The following SCUBE1 variants were observed in gnomAD, a reference collection of about 807,000 sequenced individuals.
The protein encoded by SCUBE1 is signal peptide, CUB and EGF-like domain-containing protein 1.
In SCUBE1, 59 loss-of-function variants were observed where a neutral mutation model predicts 124.4. The observed-to-expected ratio is 0.47, with a 90% confidence interval of 0.38 to 0.59. The LOEUF (loss-of-function observed/expected upper bound fraction) is 0.59. Among genes scored for constraint, SCUBE1 ranks in the 20% least tolerant of loss-of-function variants. SCUBE1 has a pLI of 0.00. For synonymous variants in SCUBE1, 545 were observed against 550.9 expected, an observed-to-expected ratio of 0.99 and a Z score of 0.15; for missense variants, 1,150 against 1,371.2, an observed-to-expected ratio of 0.84 and a Z score of 2.55.
At chr22:43,314,744 G>T (rs1241742642) in intron 3 of SCUBE1, among the ~76,000 whole-genome samples, 1 of 152,188 alleles carries the variant, frequency 6.6e-6, no homozygotes, top group East Asian at 1.9e-4. Context: ...AGCCGAGGGT[G>T]GGAAGGGCAG....
At chr22:43,229,565 G>A (rs898644204) in intron 8 of SCUBE1, among the ~76,000 whole-genome samples, 2 of 152,152 alleles carry the variant, frequency 1.3e-5, no homozygotes, top group Admixed American at 6.5e-5. Flanking sequence ...TGGCCCCAGG[G>A]CCCTGGGGAG....
At position 43,258,970 on chromosome 22, in the gene SCUBE1, A is replaced by G. The variant is rs1371933637; in HGVS notation, c.611-635T>C. Among the ~76,000 whole-genome samples the G allele has an allele frequency of 1.3e-5, 2 of 152,160 alleles. No homozygotes were observed. The highest frequency in any genetic ancestry group is 4.8e-5 in the African/African-American group (2 of 41,424). ...TGTCATCTGAGGTACGGTTTTGAAA[A>G]TCACCTAAATAATAACCACGTTACA... On this transcript the variant is annotated intron_variant, in intron 5 of 21. Transcript: ENST00000360835. This position sits in a 1 kb window ranked among gnomAD's most constrained non-coding sequence, Gnocchi z 5.0.
chr22:43,267,475 C>T (rs1052003691), intron 4 of SCUBE1, among the ~76,000 whole-genome samples: 5 of 152,208 alleles, frequency 3.3e-5, no homozygotes, highest in East Asian at 3.8e-4. Flanking sequence ...AGAAACACAG[C>T]GCTTCGGATG....
chr22:43,268,750 C>A (rs1924173948), intron 4 of SCUBE1, among the ~76,000 whole-genome samples: 1 of 152,198 alleles, frequency 6.6e-6, no homozygotes, highest in Non-Finnish European at 1.5e-5. Context: ...GCTAAGGGTG[C>A]AGATAGGCTG....
At chr22:43,232,002 C>T in intron 7 of SCUBE1, 127 bp from the exon 8 acceptor site, 1 of 1,094,148 alleles carries the variant, frequency 9.1e-7, no homozygotes, top group East Asian at 2.6e-5. Flanking sequence ...ACTTCCCAAG[C>T]TGGCTGCTGG....
rs867082220 is a variant in SCUBE1 at position 43,318,815 on chromosome 22, C to T, written c.349+1122G>A. Among the ~76,000 whole-genome samples, 15 of 152,122 alleles carry T rather than the reference C, an allele frequency of 9.9e-5. No homozygotes were observed. The South Asian group carries it at 1.2e-3, about 13-fold the overall frequency. On this transcript the variant is annotated intron_variant, in intron 3 of 21. Transcript: ENST00000360835. ...TGTGATCTTGGCTCACTGCAACCTC[C>T]GTCTCCTGGGTTCAAGTGACCCTCC...
rs1174496305 is a variant in SCUBE1, at chr22:43,207,559, G to A, written c.2789C>T (p.Ser930Leu). 5.6e-6 allele frequency: 9 copies of A among 1,613,850 alleles called. No homozygotes were observed. The highest frequency in any genetic ancestry group is 1.3e-5 in the African/African-American group (1 of 74,928). The change falls in exon 21 of 22, where the codon TCG becomes TTG. Residue 930 changes from serine to leucine, a missense_variant. Physicochemically the swap from Ser to Leu is moderately radical, Grantham distance 145. This residue lies in a region of SCUBE1 where 757 missense variants were observed against 840.9 expected (regional missense o/e 0.90). Transcript: ENST00000360835. ...TTTCAAAATTTCCTGGTGGTTCTCC[G>A]AGGCGTACAGGCGCCCATCGCGCAC... ...DIVRDGRLYA[S>L]ENHQEILKDK... is the part of the protein sequence containing the mutation.
In SCUBE1 at chr22:43,201,321, A is replaced by AG. The variant is rs1921002583; in HGVS notation, c.*2675_*2676insC. On this transcript the variant is annotated 3_prime_UTR_variant, in exon 22 of 22. Coordinates refer to ENST00000360835, the MANE Select transcript of SCUBE1 (RefSeq NM_173050.5). ...TCCATCTCAAAAAAAAAAAAAAAAA[A>AG]AAAAAAGAAAACAAAAAAAGAAAAC... 1.3e-5 allele frequency: 2 copies of AG among 148,268 alleles called. No individual in the cohort carries two copies. Among genetic ancestry groups the AG allele is most frequent in the South Asian group, 4.2e-4 (2 of 4,782 alleles). The allele number at this position is 148,268 out of a possible 1,614,324, so 9.2% of individuals were successfully genotyped here.
At chr22:43,239,190 G>GAC (rs1569504261) in intron 6 of SCUBE1, among the ~76,000 whole-genome samples, 1 of 152,230 alleles carries the variant, frequency 6.6e-6, no homozygotes, top group East Asian at 1.9e-4. Flanking sequence ...TGTGGTGAGG[G>GAC]ATGAGTACAC....
chr22:43,293,359 G>C (rs1017489333), intron 3 of SCUBE1, among the ~76,000 whole-genome samples: 2 of 152,274 alleles, frequency 1.3e-5, no homozygotes, highest in African/African-American at 4.8e-5. Flanking sequence ...GGAGTAGCTT[G>C]AGTAGAGTGA....
At chr22:43,250,567 C>T (rs908793843) in intron 6 of SCUBE1, among the ~76,000 whole-genome samples, 1 of 152,218 alleles carries the variant, frequency 6.6e-6, no homozygotes. Context: ...TGGAGCAGTT[C>T]AGGCAGCCAG....
chr22:43,255,380 ACAG>A lies in SCUBE1; in HGVS notation c.727+2836_727+2838del. On this transcript the variant is annotated intron_variant, in intron 6 of 21. Transcript: ENST00000360835. This position sits in a 1 kb window ranked among gnomAD's most constrained non-coding sequence, Gnocchi z 4.7. The stretch of plus-strand genomic sequence containing the variant: ...CCACACGCACACGTCACACCCACAC[ACAG>A]CACACACACGCCCATGTCCACATGC... 1.0e-6 allele frequency: 1 copy of A among 961,398 alleles called. No homozygotes were observed. The highest frequency in any genetic ancestry group is 1.6e-6 in the Non-Finnish European group (1 of 617,112). 59.6% of individuals were successfully genotyped at this position (961,398 alleles called of 1,614,324 possible). A position where few individuals can be genotyped will look rare whatever the true frequency, so the allele number is the denominator to read the frequency against.
chr22:43,312,684 G>A (rs146331548), intron 3 of SCUBE1, among the ~76,000 whole-genome samples: 1 of 152,330 alleles, frequency 6.6e-6, no homozygotes, highest in East Asian at 1.9e-4. Flanking sequence ...GAGGCTGAAC[G>A]AGCTATGGGG....
chr22:43,291,570 A>T (rs943993100), intron 3 of SCUBE1, among the ~76,000 whole-genome samples: 8 of 151,866 alleles, frequency 5.3e-5, no homozygotes, highest in African/African-American at 1.9e-4. Context: ...GTGGGCCCCC[A>T]TCGCGCTGCA....
chr22:43,203,966 G>C lies in SCUBE1; in HGVS notation c.*31C>G, dbSNP rs1467885813. 5.6e-6 allele frequency: 9 copies of C among 1,612,784 alleles called. No homozygotes were observed. The highest frequency in any genetic ancestry group is 7.6e-6 in the Non-Finnish European group (9 of 1,179,174). On this transcript the variant is annotated 3_prime_UTR_variant, in exon 22 of 22. Coordinates refer to ENST00000360835, the MANE Select transcript of SCUBE1 (RefSeq NM_173050.5). ...GGGCAGGTGCACCCTCCGCGGACCA[G>C]GCCACCCCCAGGCAGGGCCGCTCCC...
At position 43,214,341 on chromosome 22, in the gene SCUBE1, G is replaced by C. The variant is rs1921715252; in HGVS notation, c.1892-90C>G. 4 of 1,342,580 alleles carry C rather than the reference G, an allele frequency of 3.0e-6. No homozygotes were observed. The South Asian group carries it at 5.6e-5, about 19-fold the overall frequency. The allele number at this position is 1,342,580 out of a possible 1,614,324, so 83.2% of individuals were successfully genotyped here. On this transcript the variant is annotated intron_variant, in intron 15 of 21. Transcript: ENST00000360835. ...TGCTCAAGCCCAGGCTCTCCTGATA[G>C]ACACAGTCCTTGTCCCCTGGGGCCC...
intron 16 of SCUBE1, among the ~76,000 whole-genome samples, chr22:43,212,947 TA>T (rs1258096062): frequency 6.6e-6 from 1 of 151,402 alleles, no homozygotes; most frequent in Non-Finnish European, 1.5e-5. Flanking sequence ...CCCCGGGGGG[TA>T]GGCTGCACCG....
intron 3 of SCUBE1, among the ~76,000 whole-genome samples, chr22:43,293,436 C>T (rs1286490092): frequency 1.3e-5 from 2 of 152,192 alleles, no homozygotes; most frequent in African/African-American, 2.4e-5. Context: ...CGCCTTTGGC[C>T]CCAGGCTAAG....
At chr22:43,206,395 C>CCG (rs973270740) in intron 21 of SCUBE1, among the ~76,000 whole-genome samples, 16 of 152,114 alleles carry the variant, frequency 1.1e-4, no homozygotes, top group African/African-American at 3.9e-4. Flanking sequence ...CCCCCACCCC[C>CCG]CGCACACACA....
Sources: allele counts gnomAD v4.1 joint callset (sites outside exome capture counted in the v4.1 genomes callset), GRCh38; gene constraint gnomAD v4.1.1; regional missense constraint gnomAD v4.1.1; non-coding constraint Gnocchi (gnomAD v3.1); transcripts MANE v1.5; gene names NCBI Gene and HGNC (gene_info 2026-07-23, HGNC 2026-07-21).